Variants in DGKB observed in about 807,000 individuals in gnomAD.
The protein encoded by DGKB is 90 kDa diacylglycerol kinase.
A neutral mutation model predicts 114.3 loss-of-function variants in DGKB; 67 were observed. That is an observed-to-expected ratio of 0.59 (90% CI 0.48 to 0.72). The LOEUF (loss-of-function observed/expected upper bound fraction) is 0.72. DGKB is among the 30% of genes least tolerant of loss of function. The pLI, the probability that DGKB is intolerant of heterozygous loss-of-function variation, is 0.00. For missense variants in DGKB, 907 were observed against 975.2 expected, an observed-to-expected ratio of 0.93 and a Z score of 0.93; for synonymous variants, 398 against 323.1, an observed-to-expected ratio of 1.23 and a Z score of -2.49.
intron 20 of DGKB, among the ~76,000 whole-genome samples, chr7:14,568,207 G>A (rs1797882550): frequency 6.6e-6 from 1 of 152,028 alleles, no homozygotes; most frequent in Admixed American, 6.6e-5. Flanking sequence ...GTACATAGAA[G>A]GTACTAAATA....
At chr7:14,441,093 C>A (rs780267192) in intron 21 of DGKB, among the ~76,000 whole-genome samples, 1 of 151,992 alleles carries the variant, frequency 6.6e-6, no homozygotes, top group African/African-American at 2.4e-5. Flanking sequence ...CCTGCAACCT[C>A]CACCTCCAGA....
intron 2 of DGKB, among the ~76,000 whole-genome samples, chr7:14,769,246 G>GAAAGAAAC (rs1554265985): frequency 8.0e-6 from 1 of 125,070 alleles, no homozygotes; most frequent in Non-Finnish European, 1.6e-5. Flanking sequence ...AAGAAAGAAA[G>GAAAGAAAC]AAAGAAAGAA....
chr7:14,726,872 T>G (rs191940536), intron 5 of DGKB, among the ~76,000 whole-genome samples: 1 of 152,256 alleles, frequency 6.6e-6, no homozygotes, highest in Admixed American at 6.5e-5. Flanking sequence ...AGACCCCAGG[T>G]ACTGAGGATA....
At chr7:14,886,367 A>G (rs1227129992) in intron 1 of DGKB, among the ~76,000 whole-genome samples, 1 of 151,828 alleles carries the variant, frequency 6.6e-6, no homozygotes, top group Non-Finnish European at 1.5e-5. Context: ...ACACAGAAAA[A>G]TCTAGTAGGA....
intron 21 of DGKB, among the ~76,000 whole-genome samples, chr7:14,473,672 G>A (rs141059416): frequency 2.0e-5 from 3 of 152,250 alleles, no homozygotes; most frequent in Non-Finnish European, 4.4e-5. Flanking sequence ...CCAGGATGGG[G>A]GACTATACCC....
At chr7:14,656,354 G>A (rs542019440) in intron 13 of DGKB, among the ~76,000 whole-genome samples, 2 of 151,508 alleles carry the variant, frequency 1.3e-5, no homozygotes, top group African/African-American at 4.8e-5. Flanking sequence ...AGTTTTAGAA[G>A]ATTTCTACCT....
intron 20 of DGKB, among the ~76,000 whole-genome samples, chr7:14,552,012 A>G (rs1472660557): frequency 6.6e-6 from 1 of 152,118 alleles, no homozygotes; most frequent in Non-Finnish European, 1.5e-5. Flanking sequence ...CATATGACCT[A>G]AAAATCTTTT....
intron 1 of DGKB, among the ~76,000 whole-genome samples, chr7:14,913,786 A>G (rs550576051): frequency 6.6e-6 from 1 of 152,262 alleles, no homozygotes; most frequent in South Asian, 2.1e-4. Flanking sequence ...TATAAAGGGC[A>G]TGGAAGTCAT....
chr7:14,881,381 C>G (rs901546115), intron 1 of DGKB, among the ~76,000 whole-genome samples: 1 of 152,118 alleles, frequency 6.6e-6, no homozygotes, highest in Non-Finnish European at 1.5e-5. Context: ...GAAATTAACC[C>G]TTTGCCTATT....
At position 14,765,147 on chromosome 7, in the gene DGKB, A is replaced by G. The variant is rs564041982; in HGVS notation, c.71-7416T>C. On this transcript the variant is annotated intron_variant, in intron 2 of 25. Transcript: ENST00000402815. The stretch of plus-strand genomic sequence containing the variant: ...ACTTGGATTTTTTAAAATCCTAAAA[A>G]TAATATTCTAATGATACTGCTACAG... Among the ~76,000 whole-genome samples, 5 of 152,130 alleles carry G rather than the reference A, an allele frequency of 3.3e-5. No homozygotes were observed. The South Asian group carries it at 8.3e-4, about 25-fold the overall frequency.
chr7:14,565,250 C>T (rs1797223694), intron 20 of DGKB, among the ~76,000 whole-genome samples: 1 of 152,146 alleles, frequency 6.6e-6, no homozygotes, highest in African/African-American at 2.4e-5. Context: ...AGTCATATGG[C>T]CCATTATCAT....
At chr7:14,519,579 T>G (rs10260659) in intron 20 of DGKB, among the ~76,000 whole-genome samples, 65,079 of 151,796 alleles carry the variant, frequency 0.43, 14,766 homozygotes, top group East Asian at 0.72. Flanking sequence ...AGCATAAATT[T>G]TCATTTTTGG....
At chr7:14,236,043 G>A (rs1488626570) in intron 23 of DGKB, among the ~76,000 whole-genome samples, 1 of 151,688 alleles carries the variant, frequency 6.6e-6, no homozygotes, top group African/African-American at 2.4e-5. Flanking sequence ...GAAATAAGCT[G>A]GTTCACTTAT....
chr7:14,520,517 T>C (rs1789590676), intron 20 of DGKB, among the ~76,000 whole-genome samples: 1 of 151,980 alleles, frequency 6.6e-6, no homozygotes. Flanking sequence ...GTTTTGTATG[T>C]TAGAGTTAAA....
chr7:14,177,947 T>C (rs1262138837), intron 24 of DGKB, 84 bp downstream of exon 24: 1 of 1,365,482 alleles, frequency 7.3e-7, no homozygotes, highest in East Asian at 2.6e-5. Flanking sequence ...GAAGACAATG[T>C]TACTATCAGA....
chr7:14,313,102 AC>A (rs1266190195), intron 23 of DGKB, among the ~76,000 whole-genome samples: 1 of 152,240 alleles, frequency 6.6e-6, no homozygotes, highest in East Asian at 1.9e-4. Flanking sequence ...ATTGCAAGTA[AC>A]CTTTAAGAAA....
chr7:14,705,691 C>T (rs1826085437), intron 6 of DGKB, among the ~76,000 whole-genome samples: 1 of 150,212 alleles, frequency 6.7e-6, no homozygotes, highest in Admixed American at 6.7e-5. Flanking sequence ...ATTTTCAACC[C>T]AGAATTTCAT....
intron 1 of DGKB, among the ~76,000 whole-genome samples, chr7:14,941,039 G>T (rs1322800947): frequency 6.6e-6 from 1 of 152,012 alleles, no homozygotes; most frequent in Non-Finnish European, 1.5e-5. Context: ...CATACTTCTT[G>T]TTATGGTAAG....
In DGKB at chr7:14,843,943, G is replaced by T. The variant is rs575833765; in HGVS notation, c.-187-2493C>A. Among the ~76,000 whole-genome samples, 15 of 152,358 alleles carry T rather than the reference G, an allele frequency of 9.8e-5. 1 individual carries two copies. Among genetic ancestry groups the T allele is most frequent in the African/African-American group, 3.6e-4 (15 of 41,594 alleles). ...CTTCAGAAAGCAACTCTGTGAGGTA[G>T]GTGCTAATAGTCTCCCCTTTTGACA... On this transcript the variant is annotated intron_variant, in intron 1 of 25. Transcript: ENST00000402815.
Sources: gnomAD v4.1 joint callset for allele counts (sites outside exome capture counted in the v4.1 genomes callset) on GRCh38, gnomAD v4.1.1 for gene constraint, MANE v1.5 for transcripts, NCBI Gene and HGNC (gene_info 2026-07-23, HGNC 2026-07-21) for gene names.